The following MEMO1 variants were observed in gnomAD, a reference collection of about 807,000 sequenced individuals.
MEMO1 encodes protein MEMO1.
In MEMO1, 6 loss-of-function variants were observed where a neutral mutation model predicts 45.2. That is an observed-to-expected ratio of 0.13 (90% confidence interval 0.07 to 0.26). The LOEUF (loss-of-function observed/expected upper bound fraction) is 0.26, where lower values mean the gene tolerates loss of function less well. Ranked by LOEUF, MEMO1 falls within the 10% of genes least tolerant of loss-of-function variation. MEMO1 has a pLI of 1.00. For synonymous variants in MEMO1, 78 were observed against 124.3 expected (o/e 0.63, Z 2.48); for missense variants, 184 against 370.5 (o/e 0.50, Z 4.13).
At chr2:31,909,188 T>C (rs1387516920) in intron 6 of MEMO1, among the ~76,000 whole-genome samples, 1 of 152,186 alleles carries the variant, frequency 6.6e-6, no homozygotes, top group African/African-American at 2.4e-5. Context: ...GCCTTTCCAC[T>C]AAGATCTGGA....
At chr2:31,976,208 CAG>C (rs1669983888) in intron 2 of MEMO1, among the ~76,000 whole-genome samples, 1 of 152,116 alleles carries the variant, frequency 6.6e-6, no homozygotes, top group Non-Finnish European at 1.5e-5. Context: ...AAAACACTAA[CAG>C]CACAAAAAAG....
intron 2 of MEMO1, among the ~76,000 whole-genome samples, chr2:31,952,312 G>A (rs894808523): frequency 9.2e-5 from 14 of 152,106 alleles, no homozygotes; most frequent in African/African-American, 3.4e-4. Context: ...CAATAGCAGA[G>A]GGCAATTAAC....
intron 4 of MEMO1, among the ~76,000 whole-genome samples, chr2:31,931,489 G>T (rs1354265577): frequency 1.3e-5 from 2 of 151,816 alleles, no homozygotes; most frequent in African/African-American, 4.8e-5. Context: ...AAAACCTCTT[G>T]TAAGTTCACA....
intron 4 of MEMO1, among the ~76,000 whole-genome samples, chr2:31,924,056 G>C (rs1682723235): frequency 6.6e-6 from 1 of 151,690 alleles, no homozygotes. Flanking sequence ...TTCCATATTT[G>C]ATTAAAAGAA....
chr2:31,923,511 G>T, intron 4 of MEMO1: 2 of 1,049,290 alleles, frequency 1.9e-6, no homozygotes, highest in Non-Finnish European at 2.5e-6. Flanking sequence ...TAGCACTCTG[G>T]TCACCTATCT....
chr2:31,925,325 A>G (rs533313925), intron 4 of MEMO1, among the ~76,000 whole-genome samples: 32 of 151,872 alleles, frequency 2.1e-4, no homozygotes, highest in Non-Finnish European at 4.0e-4. Flanking sequence ...AAATACAAAA[A>G]ATTAGCCAGG....
intron 2 of MEMO1, among the ~76,000 whole-genome samples, chr2:31,948,608 A>C (rs1666447536): frequency 6.6e-6 from 1 of 152,198 alleles, no homozygotes; most frequent in Non-Finnish European, 1.5e-5. Flanking sequence ...CAGGCCAATA[A>C]AATTACAAAA....
At chr2:31,953,541 C>T (rs977438170) in intron 2 of MEMO1, among the ~76,000 whole-genome samples, 3 of 151,648 alleles carry the variant, frequency 2.0e-5, no homozygotes, top group East Asian at 3.9e-4. Flanking sequence ...CTGCAACCTC[C>T]GCCTCCCGGG....
At chr2:31,884,994 T>C (rs1675975313) in intron 7 of MEMO1, among the ~76,000 whole-genome samples, 1 of 152,252 alleles carries the variant, frequency 6.6e-6, no homozygotes, top group Non-Finnish European at 1.5e-5. Flanking sequence ...TATTGATAAT[T>C]CATTAAACAT....
intron 3 of MEMO1, among the ~76,000 whole-genome samples, chr2:31,935,225 C>T (rs1558515861): frequency 6.6e-6 from 1 of 152,098 alleles, no homozygotes; most frequent in Non-Finnish European, 1.5e-5. Flanking sequence ...CTCTAGAATA[C>T]ATACTGTTAC....
chr2:31,956,438 C>T (rs1667421954), intron 2 of MEMO1, among the ~76,000 whole-genome samples: 1 of 152,106 alleles, frequency 6.6e-6, no homozygotes, highest in Non-Finnish European at 1.5e-5. Context: ...ACATTAAGCA[C>T]TGTCTCACCC....
chr2:31,899,392 C>T (rs1678419420), intron 6 of MEMO1, among the ~76,000 whole-genome samples: 2 of 152,290 alleles, frequency 1.3e-5, no homozygotes, highest in Admixed American at 1.3e-4. Context: ...ACACCTACAA[C>T]CATCTGATCT....
intron 3 of MEMO1, among the ~76,000 whole-genome samples, chr2:31,932,583 C>T (rs987256708): frequency 4.6e-5 from 7 of 152,034 alleles, no homozygotes; most frequent in South Asian, 2.1e-4. Context: ...AGACCATAGG[C>T]GCATGCCACC....
intron 2 of MEMO1, among the ~76,000 whole-genome samples, chr2:31,974,171 T>C (rs1669733676): frequency 1.4e-5 from 2 of 146,082 alleles, no homozygotes; most frequent in Non-Finnish European, 3.0e-5. Flanking sequence ...TCCTCTGTAA[T>C]ACAAAAATAG....
intron 2 of MEMO1, among the ~76,000 whole-genome samples, chr2:32,000,648 G>A (rs1348666420): frequency 6.6e-6 from 1 of 152,184 alleles, no homozygotes; most frequent in East Asian, 1.9e-4. Flanking sequence ...TTACAAGCGT[G>A]AGCCACCGCA....
chr2:31,887,650 C>T (rs994509017), intron 7 of MEMO1, among the ~76,000 whole-genome samples: 11 of 152,082 alleles, frequency 7.2e-5, no homozygotes, highest in African/African-American at 2.4e-4. Flanking sequence ...AAGCTAAATA[C>T]GATCATGCTT....
chr2:31,986,672 T>C (rs1671299199), intron 2 of MEMO1, among the ~76,000 whole-genome samples: 1 of 152,188 alleles, frequency 6.6e-6, no homozygotes, highest in Non-Finnish European at 1.5e-5. Flanking sequence ...CAGGCAGGTC[T>C]ACATTCTCAT....
intron 2 of MEMO1, among the ~76,000 whole-genome samples, chr2:31,969,777 C>CT (rs35837397): frequency 0.016 from 2,316 of 143,506 alleles, 71 homozygotes; most frequent in African/African-American, 0.053. Context: ...ACCCAACTAA[C>CT]TTTTTTTTTT....
At chr2:31,976,603 C>A (rs1253346633) in intron 2 of MEMO1, among the ~76,000 whole-genome samples, 1 of 151,592 alleles carries the variant, frequency 6.6e-6, no homozygotes, top group African/African-American at 2.4e-5. Context: ...AATATATTTT[C>A]AGAACCAATA....
Sources: allele counts gnomAD v4.1 joint callset (sites outside exome capture counted in the v4.1 genomes callset), GRCh38; gene constraint gnomAD v4.1.1; transcripts MANE v1.5; gene names NCBI Gene and HGNC (gene_info 2026-07-23, HGNC 2026-07-21).